GTF2IRD1: variants seen among roughly 807,000 people sequenced by gnomAD.
The protein encoded by GTF2IRD1 is GTF2I repeat domain containing 1.
In GTF2IRD1, 26 loss-of-function variants were observed where a neutral mutation model predicts 113.2. The observed-to-expected ratio is 0.23, with a 90% CI of 0.17 to 0.32. The LOEUF (loss-of-function observed/expected upper bound fraction) is 0.32. Among genes scored for constraint, GTF2IRD1 ranks in the 10% least tolerant of loss-of-function variants. The probability of loss-of-function intolerance (pLI) is 1.00; values close to 1 mark genes in which losing one functional copy is unlikely to be tolerated. For synonymous variants in GTF2IRD1, 484 were observed against 529.1 expected, an observed-to-expected ratio of 0.91 and a Z score of 1.17; for missense variants, 864 against 1,280.8, an observed-to-expected ratio of 0.67 and a Z score of 4.97.
chr7:74,529,623 T>G, intron 8 of GTF2IRD1, 111 bp from the exon 9 acceptor site: 1 of 793,572 alleles, frequency 1.3e-6, no homozygotes, highest in East Asian at 2.7e-5. Context: ...GGCCGCTACA[T>G]GGCCAGAGTG....
chr7:74,492,410 T>C (rs193290283), intron 1 of GTF2IRD1, among the ~76,000 whole-genome samples: 270 of 152,238 alleles, frequency 1.8e-3, no homozygotes, highest in African/African-American at 6.1e-3. Context: ...GACCTCATGA[T>C]CTGCCCACCT....
At chr7:74,544,204 T>C (rs1554352525) in intron 14 of GTF2IRD1, among the ~76,000 whole-genome samples, 1 of 152,216 alleles carries the variant, frequency 6.6e-6, no homozygotes, top group African/African-American at 2.4e-5. Flanking sequence ...TGTTTGTTTG[T>C]TTTTGAGACG....
At chr7:74,583,892 A>G (rs1801572666) in intron 22 of GTF2IRD1, among the ~76,000 whole-genome samples, 1 of 152,076 alleles carries the variant, frequency 6.6e-6, no homozygotes, top group Admixed American at 6.6e-5. Context: ...GATGAGCCCC[A>G]GCGTGCAGAT....
chr7:74,511,967 C>T (rs375647063), intron 2 of GTF2IRD1, among the ~76,000 whole-genome samples: 19 of 152,274 alleles, frequency 1.2e-4, no homozygotes, highest in African/African-American at 3.9e-4. Flanking sequence ...TAGGGTGTCC[C>T]AGTTTAGAGA....
rs2130576943 is a variant in GTF2IRD1 at position 74,538,742 on chromosome 7, A to G, written c.1510A>G (p.Ile504Val). ...AATTGAGCCAGAGGATCTGGACATC[A>G]TTCAGGTCACCGTCCCAGGTAAGGG... is the stretch of plus-strand genomic sequence containing the variant. ...IKIEPEDLDI[I>V]QVTVPDPSPT... Residue 504 changes from isoleucine to valine, a missense_variant, in exon 13 of 27, where the codon ATT becomes GTT. Physicochemically the swap from Ile to Val is conservative, Grantham distance 29 (BLOSUM62 3). Coordinates refer to ENST00000424337, the MANE Select transcript of GTF2IRD1 (RefSeq NM_005685.4). The G allele has an allele frequency of 1.9e-6, 3 of 1,593,532 alleles. No individual in the cohort carries two copies. The East Asian group carries it at 6.7e-5, about 36-fold the overall frequency.
chr7:74,470,186 T>C (rs1325971704), intron 1 of GTF2IRD1, among the ~76,000 whole-genome samples: 1 of 152,148 alleles, frequency 6.6e-6, no homozygotes, highest in African/African-American at 2.4e-5. Flanking sequence ...CTTGTAGCTG[T>C]GTTGCCCAGG....
At chr7:74,475,106 G>C (rs1465179747) in intron 1 of GTF2IRD1, among the ~76,000 whole-genome samples, 2 of 152,058 alleles carry the variant, frequency 1.3e-5, no homozygotes, top group African/African-American at 2.4e-5. Flanking sequence ...AATAAAATAA[G>C]TAGCTGGACA....
chr7:74,566,605 C>T (rs1371432986), intron 22 of GTF2IRD1, among the ~76,000 whole-genome samples: 1 of 152,128 alleles, frequency 6.6e-6, no homozygotes. Flanking sequence ...GCTTCCCAAA[C>T]TGCTGGGATT....
At chr7:74,526,391 G>A (rs1797597950) in intron 8 of GTF2IRD1, among the ~76,000 whole-genome samples, 1 of 152,206 alleles carries the variant, frequency 6.6e-6, no homozygotes, top group South Asian at 2.1e-4. Context: ...GCAGCCCAAG[G>A]CATTCCACTG....
At chr7:74,492,001 TTTTG>T (rs1276363115) in intron 1 of GTF2IRD1, among the ~76,000 whole-genome samples, 1 of 109,580 alleles carries the variant, frequency 9.1e-6, no homozygotes, top group Non-Finnish European at 1.8e-5. Context: ...GTTCGTTTGT[TTTTG>T]TTTTTGTTTT....
At chr7:74,547,381 C>G in intron 17 of GTF2IRD1, 95 bp downstream of exon 17, 1 of 927,264 alleles carries the variant, frequency 1.1e-6, no homozygotes, top group Non-Finnish European at 1.7e-6. Flanking sequence ...AATTCTTGTG[C>G]CTCAGCCACC....
At chr7:74,589,968 T>A in intron 23 of GTF2IRD1, 40 bp downstream of exon 23, 1 of 1,347,432 alleles carries the variant, frequency 7.4e-7, no homozygotes, top group Non-Finnish European at 1.1e-6. Context: ...CAAGCCCTCC[T>A]CCCGGGGGTG....
chr7:74,459,370 AT>A, intron 1 of GTF2IRD1, among the ~76,000 whole-genome samples: 1 of 152,176 alleles, frequency 6.6e-6, no homozygotes, highest in Non-Finnish European at 1.5e-5. Flanking sequence ...AGGCAAGAGA[AT>A]TGCTTGAACC....
At chr7:74,469,978 T>C (rs1199286317) in intron 1 of GTF2IRD1, among the ~76,000 whole-genome samples, 3 of 151,916 alleles carry the variant, frequency 2.0e-5, no homozygotes, top group Admixed American at 6.6e-5. Flanking sequence ...CATTATACCA[T>C]AAAATTCACC....
At chr7:74,553,631 T>C (rs1554355751) in intron 17 of GTF2IRD1, among the ~76,000 whole-genome samples, 2 of 152,096 alleles carry the variant, frequency 1.3e-5, no homozygotes, top group Admixed American at 1.3e-4. Context: ...CACCTGTCAT[T>C]TGGAAAGGGA....
At chr7:74,519,108 G>A (rs1396393479) in intron 5 of GTF2IRD1, among the ~76,000 whole-genome samples, 2 of 152,234 alleles carry the variant, frequency 1.3e-5, no homozygotes, top group Admixed American at 1.3e-4. Flanking sequence ...GAGGCAGGAA[G>A]GGGAGGGGTG....
intron 22 of GTF2IRD1, among the ~76,000 whole-genome samples, chr7:74,572,198 G>A (rs587760434): frequency 6.6e-6 from 1 of 152,336 alleles, no homozygotes; most frequent in Non-Finnish European, 1.5e-5. Context: ...GACCTCTGCA[G>A]AGGGTACTGG....
At chr7:74,471,365 C>T (rs1218745576) in intron 1 of GTF2IRD1, among the ~76,000 whole-genome samples, 5 of 152,004 alleles carry the variant, frequency 3.3e-5, no homozygotes, top group East Asian at 2.0e-4. Flanking sequence ...AAAAATTAGC[C>T]GGGTGTGGTG....
In GTF2IRD1 at chr7:74,515,450, C is replaced by T. The variant is rs781983523; in HGVS notation, c.275C>T (p.Pro92Leu). 19 of 1,589,672 alleles carry T rather than the reference C, an allele frequency of 1.2e-5. No individual in the cohort carries two copies. The East Asian group carries it at 1.8e-4, about 15-fold the overall frequency. The change falls in exon 4 of 27, where the codon CCG becomes CTG. Residue 92 changes from proline (P) to leucine (L), a missense_variant. Physicochemically the swap from Pro to Leu is moderately conservative, Grantham distance 98 (BLOSUM62 -3). Transcript: ENST00000424337. ...SDFLRFCRGPPWKDPEAEHPK... is the reference protein window; with the variant it reads ...SDFLRFCRGPLWKDPEAEHPK... ...GCTCTGTGTCCCACAGGAGGGCCCC[C>T]GTGGAAGGATCCGGAGGCAGAGCAC...
Sources: allele counts gnomAD v4.1 joint callset (sites outside exome capture counted in the v4.1 genomes callset), GRCh38; gene constraint gnomAD v4.1.1; transcripts MANE v1.5; gene names NCBI Gene and HGNC (gene_info 2026-07-23, HGNC 2026-07-21).